The following EPB41L5 variants were observed in gnomAD, a reference collection of about 807,000 sequenced individuals.
EPB41L5 encodes erythrocyte membrane protein band 4.1 like 5.
EPB41L5 carries 55 observed loss-of-function variants against 106.6 expected under a neutral mutation model. That is an observed-to-expected ratio of 0.52 (90% CI 0.42 to 0.65). EPB41L5 has a LOEUF of 0.65. Ranked by LOEUF, EPB41L5 falls within the 30% of genes least tolerant of loss-of-function variation. EPB41L5 has a pLI of 0.00. For missense variants in EPB41L5, 871 were observed against 882.1 expected, an observed-to-expected ratio of 0.99 and a Z score of 0.16; for synonymous variants, 297 against 306.7, an observed-to-expected ratio of 0.97 and a Z score of 0.33.
At chr2:120,125,089 G>A (rs1386571640) in intron 16 of EPB41L5, among the ~76,000 whole-genome samples, 1 of 152,162 alleles carries the variant, frequency 6.6e-6, no homozygotes, top group African/African-American at 2.4e-5. Context: ...ATATGGTGAT[G>A]TTCTAATTCT....
intron 18 of EPB41L5, among the ~76,000 whole-genome samples, chr2:120,142,224 G>A (rs1288213327): frequency 2.0e-5 from 3 of 148,112 alleles, no homozygotes; most frequent in Admixed American, 6.8e-5. Flanking sequence ...TTATTTATTT[G>A]TCTCCTTCAT....
intron 10 of EPB41L5, among the ~76,000 whole-genome samples, chr2:120,084,656 A>G (rs1454135955): frequency 2.0e-5 from 3 of 152,028 alleles, no homozygotes; most frequent in Non-Finnish European, 4.4e-5. Context: ...TATTTCCTGA[A>G]TTTGAATGTT....
At chr2:120,130,855 G>A (rs1448152792) in intron 17 of EPB41L5, among the ~76,000 whole-genome samples, 1 of 152,162 alleles carries the variant, frequency 6.6e-6, no homozygotes, top group Non-Finnish European at 1.5e-5. Flanking sequence ...TGATTTCAAA[G>A]TTTCCCCCTC....
At chr2:120,019,327 A>G in intron 2 of EPB41L5, 63 bp downstream of exon 2, 1 of 1,487,358 alleles carries the variant, frequency 6.7e-7, no homozygotes, top group East Asian at 2.3e-5. Context: ...TGTTTGTTTA[A>G]AAGCTTTGTA....
chr2:120,156,544 T>TCCCATCAA (rs1686909416), intron 20 of EPB41L5, among the ~76,000 whole-genome samples: 1 of 152,170 alleles, frequency 6.6e-6, no homozygotes, highest in Non-Finnish European at 1.5e-5. Flanking sequence ...CTCTCCCGTG[T>TCCCATCAA]CCCATCAACT....
intron 2 of EPB41L5, among the ~76,000 whole-genome samples, chr2:120,024,162 G>C (rs747060645): frequency 6.6e-6 from 1 of 152,028 alleles, no homozygotes; most frequent in Non-Finnish European, 1.5e-5. Context: ...ATCTGAATAC[G>C]CTTTATTTCT....
chr2:120,164,412 A>T (rs1455678839), intron 21 of EPB41L5, among the ~76,000 whole-genome samples: 12 of 151,682 alleles, frequency 7.9e-5, no homozygotes, highest in Non-Finnish European at 1.5e-5. Flanking sequence ...AGGTCTCACT[A>T]TATTGCCCAG....
At chr2:120,121,510 T>C (rs1437989284) in intron 16 of EPB41L5, among the ~76,000 whole-genome samples, 2 of 152,200 alleles carry the variant, frequency 1.3e-5, no homozygotes, top group Non-Finnish European at 2.9e-5. Flanking sequence ...TTCATCCATG[T>C]CCCTGCAAAG....
At chr2:120,058,991 A>G (rs1680849443) in intron 3 of EPB41L5, among the ~76,000 whole-genome samples, 1 of 152,224 alleles carries the variant, frequency 6.6e-6, no homozygotes, top group African/African-American at 2.4e-5. Flanking sequence ...GACTACTAGA[A>G]TGGCTAAAGT....
At chr2:120,140,277 T>G (rs554017268) in intron 18 of EPB41L5, among the ~76,000 whole-genome samples, 1 of 152,052 alleles carries the variant, frequency 6.6e-6, no homozygotes, top group East Asian at 1.9e-4. Flanking sequence ...TAACTTACTG[T>G]ACATTTAAAA....
Position 120,013,674 on chromosome 2 carries a change from AGAGGCAGGTGTGTTCCCATGAAAGAC to A in EPB41L5, c.-9+469_-9+494del. 1.3e-5 allele frequency: 2 copies of A among 152,306 alleles called. 1 individual carries two copies. Among genetic ancestry groups the A allele is most frequent in the East Asian group, 3.9e-4 (2 of 5,172 alleles). 9.4% of individuals were successfully genotyped at this position (152,306 alleles called of 1,614,324 possible). On this transcript the variant is annotated intron_variant, in intron 1 of 24. Coordinates refer to ENST00000263713, the MANE Select transcript of EPB41L5 (RefSeq NM_020909.4). ...AAAAACTTCAGTCTCTTGGGAAAGG[AGAGGCAGGTGTGTTCCCATGAAAGAC>A]GAGGTCTGAAGGTCCCGCCCCGCCC...
intron 11 of EPB41L5, among the ~76,000 whole-genome samples, chr2:120,089,731 C>T (rs1039195579): frequency 6.6e-6 from 1 of 151,962 alleles, no homozygotes; most frequent in African/African-American, 2.4e-5. Flanking sequence ...TAATTTTCCC[C>T]AGAGAGGCAG....
intron 20 of EPB41L5, among the ~76,000 whole-genome samples, chr2:120,155,908 T>C (rs757347515): frequency 6.6e-6 from 1 of 152,122 alleles, no homozygotes; most frequent in Non-Finnish European, 1.5e-5. Context: ...TGAATTTAAC[T>C]GGCAAGGAGC....
At chr2:120,166,992 ATAAT>A (rs1459337565) in intron 22 of EPB41L5, among the ~76,000 whole-genome samples, 1 of 152,204 alleles carries the variant, frequency 6.6e-6, no homozygotes, top group African/African-American at 2.4e-5. Flanking sequence ...TGCATACATG[ATAAT>A]TAGAGAATGA....
intron 16 of EPB41L5, among the ~76,000 whole-genome samples, chr2:120,107,316 A>G (rs1684509376): frequency 6.6e-6 from 1 of 152,132 alleles, no homozygotes; most frequent in African/African-American, 2.4e-5. Flanking sequence ...TAGTCTTTGA[A>G]TATTGGTTTG....
At chr2:120,113,131 A>C (rs960062346) in intron 16 of EPB41L5, among the ~76,000 whole-genome samples, 2 of 152,238 alleles carry the variant, frequency 1.3e-5, no homozygotes, top group African/African-American at 4.8e-5. Context: ...GAATCAGGTC[A>C]GTTTTCATGT....
At chr2:120,047,367 G>T (rs1215196056) in intron 3 of EPB41L5, among the ~76,000 whole-genome samples, 14 of 151,980 alleles carry the variant, frequency 9.2e-5, no homozygotes, top group African/African-American at 3.4e-4. Flanking sequence ...TCCTTGAAGA[G>T]GTCCTTCACA....
intron 24 of EPB41L5, among the ~76,000 whole-genome samples, chr2:120,171,797 C>A (rs1219581816): frequency 6.6e-6 from 1 of 152,054 alleles, no homozygotes. Context: ...CAGAGCTTTT[C>A]TTTGAAATAC....
intron 14 of EPB41L5, 122 bp from the exon 15 acceptor site, chr2:120,100,122 T>C: frequency 1.4e-6 from 1 of 713,314 alleles, no homozygotes; most frequent in South Asian, 2.5e-5. Flanking sequence ...TTTTATTCTT[T>C]ATTTGAAACA....
Sources: allele counts gnomAD v4.1 joint callset (sites outside exome capture counted in the v4.1 genomes callset), GRCh38; gene constraint gnomAD v4.1.1; transcripts MANE v1.5; gene names NCBI Gene and HGNC (gene_info 2026-07-23, HGNC 2026-07-21).